The following MICAL2 variants were observed in gnomAD, a reference collection of about 807,000 sequenced individuals.
MICAL2 encodes the protein microtubule associated monooxygenase, calponin and LIM domain containing 2.
MICAL2 carries 77 observed loss-of-function variants against 127.3 expected under a neutral mutation model. That is an observed-to-expected ratio of 0.60 (90% confidence interval 0.50 to 0.73). MICAL2 has a LOEUF of 0.73. Ranked by LOEUF, MICAL2 falls within the 30% of genes least tolerant of loss-of-function variation. The pLI, the probability that MICAL2 is intolerant of heterozygous loss-of-function variation, is 0.00. For synonymous variants in MICAL2, 570 were observed against 551.1 expected (o/e 1.03, Z -0.48); for missense variants, 1,351 against 1,434.4 (o/e 0.94, Z 0.94).
chr11:12,292,390 T>A, downstream of MICAL2: 1 of 1,411,246 alleles, frequency 7.1e-7, no homozygotes, highest in Non-Finnish European at 9.9e-7. Context: ...TTCCACGTGC[T>A]CATAGGTCAA....
chr11:12,177,187 G>A (rs1040197305), intron 3 of MICAL2, among the ~76,000 whole-genome samples: 1 of 152,028 alleles, frequency 6.6e-6, no homozygotes, highest in African/African-American at 2.4e-5. Context: ...TTTATAGTAG[G>A]CATCCTAATG....
chr11:12,183,904 C>T (rs545193141), intron 3 of MICAL2, among the ~76,000 whole-genome samples: 3 of 152,160 alleles, frequency 2.0e-5, no homozygotes, highest in East Asian at 3.9e-4. Context: ...CTCAGCCTCC[C>T]GAGTAGCTGG....
At chr11:12,349,876 T>G (rs1254737441) in exon 33 of MICAL2, 1 of 1,614,112 alleles carries the variant, frequency 6.2e-7, no homozygotes, top group East Asian at 2.2e-5. Context: ...TTTGCAGGAA[T>G]GGTTTAAGCT....
In MICAL2 at chr11:12,199,789, T is replaced by C. The variant is rs114409356; in HGVS notation, c.265-4461T>C. Among the ~76,000 whole-genome samples, 1,217 of 152,278 alleles carry C rather than the reference T, an allele frequency of 8.0e-3. 21 individuals are homozygous for C. Among genetic ancestry groups the C allele is most frequent in the African/African-American group, 0.028 (1,172 of 41,534 alleles). On this transcript the variant is annotated intron_variant, in intron 3 of 27. Coordinates refer to ENST00000683283, the MANE Select transcript of MICAL2 (RefSeq NM_001282663.2). ...CTGATTTTTCCATGAGGCGTTTGTC[T>C]CTCCTCTGTGCTAACGTGGAGGCCT...
intron 3 of MICAL2, among the ~76,000 whole-genome samples, chr11:12,193,237 T>A (rs1859442961): frequency 6.6e-6 from 1 of 152,202 alleles, no homozygotes; most frequent in South Asian, 2.1e-4. Flanking sequence ...GGCAAGGTGG[T>A]TAGCTGTGGA....
At chr11:12,309,999 G>A (rs141624254) in intron 29 of MICAL2, among the ~76,000 whole-genome samples, 2,235 of 151,968 alleles carry the variant, frequency 0.015, 25 homozygotes, top group Non-Finnish European at 0.021. Context: ...ATCTATTCAG[G>A]CCTTTTGCAT....
intron 22 of MICAL2, chr11:12,254,964 G>T (rs2134638454): frequency 7.3e-6 from 1 of 137,458 alleles, no homozygotes; most frequent in African/African-American, 2.8e-5. Context: ...TGTTGCTCAG[G>T]CTGGAGTACA....
chr11:12,240,502 C>T (rs1042921509), intron 17 of MICAL2, among the ~76,000 whole-genome samples: 1 of 152,184 alleles, frequency 6.6e-6, no homozygotes, highest in African/African-American at 2.4e-5. Context: ...TGACCTTCTC[C>T]AGGAAGTGAA....
At chr11:12,311,776 T>G (rs980190168) in intron 29 of MICAL2, among the ~76,000 whole-genome samples, 1 of 152,182 alleles carries the variant, frequency 6.6e-6, no homozygotes, top group Non-Finnish European at 1.5e-5. Context: ...AACTTGAGAG[T>G]GTCCTTTTTC....
At chr11:12,161,614 G>C (rs1344111592) in intron 2 of MICAL2, 1 of 154,612 alleles carries the variant, frequency 6.5e-6, no homozygotes, top group South Asian at 2.0e-4. Context: ...GTTCTCTGGA[G>C]TTTTTTCTGT....
intron 3 of MICAL2, among the ~76,000 whole-genome samples, chr11:12,167,820 T>A (rs1175897269): frequency 6.6e-6 from 1 of 152,204 alleles, no homozygotes; most frequent in Non-Finnish European, 1.5e-5. Flanking sequence ...GCACATGGAA[T>A]GTGTGGGGTT....
At chr11:12,209,957 T>C (rs1040315026) in intron 6 of MICAL2, among the ~76,000 whole-genome samples, 1 of 152,224 alleles carries the variant, frequency 6.6e-6, no homozygotes. Flanking sequence ...GAGCACCTCC[T>C]GGTGTGTGAG....
chr11:12,334,610 C>A (rs2033824486), intron 32 of MICAL2, among the ~76,000 whole-genome samples: 1 of 104,294 alleles, frequency 9.6e-6, no homozygotes, highest in Non-Finnish European at 2.0e-5. Context: ...CCTCCCCCCA[C>A]CCCCCCACAA....
chr11:12,255,414 C>A, intron 22 of MICAL2: 2 of 536,254 alleles, frequency 3.7e-6, no homozygotes, highest in Non-Finnish European at 6.7e-6. Context: ...TAAGTGGAAT[C>A]CTAGAGTACT....
intron 2 of MICAL2, among the ~76,000 whole-genome samples, chr11:12,154,169 G>C (rs907086929): frequency 2.0e-5 from 3 of 152,192 alleles, no homozygotes; most frequent in Admixed American, 2.0e-4. Context: ...ACACAGCCTT[G>C]GGGGACTTAG....
intron 1 of MICAL2, among the ~76,000 whole-genome samples, chr11:12,121,832 A>G (rs892294636): frequency 1.3e-5 from 2 of 152,186 alleles, no homozygotes; most frequent in Non-Finnish European, 2.9e-5. Context: ...TGTATGTCTC[A>G]GGGACACTTT....
chr11:12,310,808 G>A (rs1345697373), intron 29 of MICAL2, among the ~76,000 whole-genome samples: 1 of 151,968 alleles, frequency 6.6e-6, no homozygotes, highest in Non-Finnish European at 1.5e-5. Flanking sequence ...ATGAGGATGA[G>A]ACTTCTTTCC....
chr11:12,319,600 A>T, intron 29 of MICAL2: 6 of 861,938 alleles, frequency 7.0e-6, no homozygotes, highest in Non-Finnish European at 1.2e-5. Context: ...GGAGGAAGGG[A>T]ATGAGAGTAA....
intron 1 of MICAL2, among the ~76,000 whole-genome samples, chr11:12,137,476 C>T (rs1203781151): frequency 6.6e-6 from 1 of 152,220 alleles, no homozygotes; most frequent in Non-Finnish European, 1.5e-5. Flanking sequence ...CTAGTCTCCA[C>T]CCATGACAGT....
Sources: allele counts gnomAD v4.1 joint callset (sites outside exome capture counted in the v4.1 genomes callset), GRCh38; gene constraint gnomAD v4.1.1; transcripts MANE v1.5; gene names NCBI Gene and HGNC (gene_info 2026-07-23, HGNC 2026-07-21).